Variants in ESYT2 observed in about 807,000 individuals in gnomAD.
ESYT2 encodes extended synaptotagmin-2.
A neutral mutation model predicts 107.2 loss-of-function variants in ESYT2; 54 were observed. The observed-to-expected ratio is 0.50, with a 90% CI of 0.40 to 0.63. The LOEUF (loss-of-function observed/expected upper bound fraction) is 0.63, where lower values mean the gene tolerates loss of function less well. ESYT2 is among the 30% of genes least tolerant of loss of function. The probability of loss-of-function intolerance (pLI) is 0.00; values close to 1 mark genes in which losing one functional copy is unlikely to be tolerated. For synonymous variants in ESYT2, 491 were observed against 434.1 expected, an observed-to-expected ratio of 1.13 and a Z score of -1.63; for missense variants, 1,020 against 1,094.5, an observed-to-expected ratio of 0.93 and a Z score of 0.96.
At chr7:158,820,881 G>A (rs1055183071) in intron 1 of ESYT2, among the ~76,000 whole-genome samples, 1 of 152,178 alleles carries the variant, frequency 6.6e-6, no homozygotes, top group African/African-American at 2.4e-5. Context: ...ATTGCCGGCT[G>A]GTAAATTTCT....
intron 1 of ESYT2, among the ~76,000 whole-genome samples, chr7:158,812,073 A>G (rs1195723833): frequency 6.6e-6 from 1 of 152,150 alleles, no homozygotes; most frequent in Admixed American, 6.5e-5. Context: ...TACAGCAGAG[A>G]GTATCAGAGG....
chr7:158,798,198 C>T, intron 2 of ESYT2, 122 bp from the exon 3 acceptor site: 1 of 1,019,158 alleles, frequency 9.8e-7, no homozygotes, highest in East Asian at 2.6e-5. Context: ...GCGGGAGGAT[C>T]TTGTTGTTAT....
intron 6 of ESYT2, among the ~76,000 whole-genome samples, chr7:158,782,425 A>T (rs1322848790): frequency 6.7e-6 from 1 of 149,472 alleles, no homozygotes. Context: ...TGTGAGAACA[A>T]AGTGAGGTGT....
At chr7:158,781,806 G>A (rs1398087312) in intron 6 of ESYT2, among the ~76,000 whole-genome samples, 1 of 151,668 alleles carries the variant, frequency 6.6e-6, no homozygotes, top group Non-Finnish European at 1.5e-5. Context: ...TGAGAACAAA[G>A]TGTGAGATGT....
intron 4 of ESYT2, 115 bp from the exon 5 acceptor site, chr7:158,788,532 T>C (rs1376102766): frequency 2.2e-6 from 2 of 916,950 alleles, no homozygotes; most frequent in South Asian, 1.8e-5. Flanking sequence ...CCAAATCAGA[T>C]TGTAGGTAAA....
intron 1 of ESYT2, among the ~76,000 whole-genome samples, chr7:158,821,361 C>T (rs564339753): frequency 1.3e-4 from 20 of 152,174 alleles, no homozygotes; most frequent in African/African-American, 4.3e-4. Context: ...TGGGTACTCC[C>T]GGCTATTACA....
intron 17 of ESYT2, among the ~76,000 whole-genome samples, chr7:158,743,239 G>A (rs1024001281): frequency 5.9e-5 from 9 of 152,146 alleles, no homozygotes; most frequent in African/African-American, 1.9e-4. Flanking sequence ...AAAGGATAAC[G>A]GTAAGGTTGC....
chr7:158,732,249 A>T lies in ESYT2; in HGVS notation c.*1958T>A, dbSNP rs1343490224. The T allele has an allele frequency of 1.3e-5, 2 of 152,234 alleles. No individual in the cohort carries two copies. Among genetic ancestry groups the T allele is most frequent in the Non-Finnish European group, 2.9e-5 (2 of 68,048 alleles). The allele number at this position is 152,234 out of a possible 1,614,324, so 9.4% of individuals were successfully genotyped here. On this transcript the variant is annotated 3_prime_UTR_variant, in exon 23 of 23. Transcript: ENST00000275418. ...TATAGATTATGACAGAAGACTTTCA[A>T]CAGACCTGATTTTTAAAAAACCCTC...
intron 1 of ESYT2, among the ~76,000 whole-genome samples, chr7:158,816,973 C>T (rs902758396): frequency 6.6e-6 from 1 of 152,150 alleles, no homozygotes; most frequent in Non-Finnish European, 1.5e-5. Context: ...ATTTGTAGCA[C>T]AAATGAAATA....
At chr7:158,813,322 A>G (rs1251669418) in intron 1 of ESYT2, among the ~76,000 whole-genome samples, 1 of 152,220 alleles carries the variant, frequency 6.6e-6, no homozygotes, top group African/African-American at 2.4e-5. Flanking sequence ...TTCGTATGAC[A>G]TTGTAATAGC....
chr7:158,773,514 C>G (rs1433572101), intron 6 of ESYT2, 118 bp from the exon 7 acceptor site: 1 of 885,036 alleles, frequency 1.1e-6, no homozygotes, highest in East Asian at 2.8e-5. Context: ...CAGACCCACA[C>G]CCTTCATCCT....
At chr7:158,745,437 A>AAGT (rs1837367921) in intron 16 of ESYT2, among the ~76,000 whole-genome samples, 2 of 84,428 alleles carry the variant, frequency 2.4e-5, no homozygotes, top group Admixed American at 1.0e-4. Context: ...TACCTGATAT[A>AAGT]AGTAGTCTGA....
rs1378698407 is a variant in ESYT2, at chr7:158,764,829, C to T, written c.949G>A (p.Glu317Lys). 1 of 1,613,970 alleles carries T rather than the reference C, an allele frequency of 6.2e-7. No individual in the cohort carries two copies. The highest frequency in any genetic ancestry group is 1.1e-5 in the South Asian group (1 of 91,054). Residue 317 changes from glutamate to lysine, a missense_variant, in exon 9 of 23, where the codon GAA (glutamate) becomes AAA (lysine). Transcript: ENST00000275418. ...TCTTTCCCCTGAAGATCCTGAGCTT[C>T]AATAAAATGTATCCTTAGAACACCC... ...PKGVLRIHFIEAQDLQGKDTY... is the reference protein window; with the variant it reads ...PKGVLRIHFIKAQDLQGKDTY...
chr7:158,793,545 ACAG>A, intron 4 of ESYT2, 102 bp downstream of exon 4: 1 of 783,260 alleles, frequency 1.3e-6, no homozygotes, highest in Non-Finnish European at 2.1e-6. Context: ...ATTCCAATCA[ACAG>A]CAGGTAAGAC....
At chr7:158,817,935 T>G (rs980157804) in intron 1 of ESYT2, among the ~76,000 whole-genome samples, 6 of 152,240 alleles carry the variant, frequency 3.9e-5, no homozygotes, top group African/African-American at 1.4e-4. Flanking sequence ...ATAATATTTA[T>G]GGCATGAAGT....
intron 2 of ESYT2, among the ~76,000 whole-genome samples, chr7:158,798,632 G>A (rs1839541602): frequency 1.0e-5 from 1 of 97,096 alleles, no homozygotes; most frequent in Non-Finnish European, 1.8e-5. Context: ...GGCAACAAGA[G>A]TGAAGCTCCG....
chr7:158,822,193 C>G (rs1840304244), intron 1 of ESYT2, among the ~76,000 whole-genome samples: 1 of 152,066 alleles, frequency 6.6e-6, no homozygotes, highest in South Asian at 2.1e-4. Flanking sequence ...TAACAAAATG[C>G]AAGAGACGAC....
At chr7:158,824,518 G>T (rs958301253) in intron 1 of ESYT2, among the ~76,000 whole-genome samples, 5 of 152,120 alleles carry the variant, frequency 3.3e-5, no homozygotes, top group Non-Finnish European at 7.3e-5. Flanking sequence ...ATTTTTGCTA[G>T]AGTTAAATTT....
Position 158,829,338 on chromosome 7 carries a change from G to GC in ESYT2, c.80dup (p.Val28ArgfsTer90). 6.9e-7 allele frequency: 1 copy of GC among 1,448,046 alleles called. No homozygotes were observed. Among genetic ancestry groups the GC allele is most frequent in the Non-Finnish European group, 9.0e-7 (1 of 1,107,142 alleles). The allele number at this position is 1,448,046 out of a possible 1,614,324, so 89.7% of individuals were successfully genotyped here. On this transcript the variant is annotated frameshift_variant, in exon 1 of 23. Coordinates refer to ENST00000275418, the MANE Select transcript of ESYT2 (RefSeq NM_001367773.1). LOFTEE classifies it high-confidence loss of function. Reference sequence around the variant, plus strand: ...GCCCGGGCAGCTCCACGCTCAGCACGCCCCCGGGGTTCTCAGGCGCCGCGC... The same window carrying GC: ...GCCCGGGCAGCTCCACGCTCAGCACGCCCCCCGGGGTTCTCAGGCGCCGCGC...
Sources: allele counts gnomAD v4.1 joint callset (sites outside exome capture counted in the v4.1 genomes callset), GRCh38; gene constraint gnomAD v4.1.1; transcripts MANE v1.5; gene names NCBI Gene and HGNC (gene_info 2026-07-23, HGNC 2026-07-21).